TMEM71: variants seen among roughly 807,000 people sequenced by gnomAD.
The protein encoded by TMEM71 is transmembrane protein 71.
In TMEM71, 44 loss-of-function variants were observed where a neutral mutation model predicts 38.0. The observed-to-expected ratio is 1.16, with a 90% CI of 0.91 to 1.49. The LOEUF is 1.49. TMEM71 is among the 40% of genes most tolerant of loss of function. TMEM71 has a pLI of 0.00. For synonymous variants in TMEM71, 133 were observed against 122.5 expected (o/e 1.09, Z -0.56); for missense variants, 367 against 348.6 (o/e 1.05, Z -0.42).
chr8:132,752,147 T>G, intron 3 of TMEM71, 150 bp from the exon 4 acceptor site: 1 of 677,426 alleles, frequency 1.5e-6, no homozygotes, highest in Non-Finnish European at 2.5e-6. Context: ...ACTCTTAATG[T>G]TCTGGGCTTC....
At chr8:132,714,980 A>G (rs919124705) in intron 7 of TMEM71, among the ~76,000 whole-genome samples, 1 of 152,088 alleles carries the variant, frequency 6.6e-6, no homozygotes, top group Non-Finnish European at 1.5e-5. Context: ...ATCATTCCTC[A>G]TTACAGTAAT....
upstream of TMEM71, among the ~76,000 whole-genome samples, chr8:132,762,934 C>T (rs141576305): frequency 9.2e-5 from 14 of 152,316 alleles, no homozygotes; most frequent in Non-Finnish European, 1.9e-4. Context: ...ATAGAGTTTG[C>T]ATAAATCTTT....
the TMEM71 span, among the ~76,000 whole-genome samples, chr8:132,770,266 G>A: frequency 6.6e-6 from 1 of 152,216 alleles, no homozygotes; most frequent in Admixed American, 6.5e-5. Flanking sequence ...AGTTACAGTT[G>A]TGTTGAATAT....
chr8:132,720,822 C>T (rs1826801235), intron 7 of TMEM71, among the ~76,000 whole-genome samples: 1 of 152,188 alleles, frequency 6.6e-6, no homozygotes, highest in Non-Finnish European at 1.5e-5. Flanking sequence ...GTTGTATTCA[C>T]CTTTGTTTCA....
upstream of TMEM71, among the ~76,000 whole-genome samples, chr8:132,764,218 G>C (rs139788682): frequency 1.5e-3 from 230 of 152,180 alleles, 3 homozygotes; most frequent in East Asian, 0.015. Context: ...CATCAAATCA[G>C]TATGCATAAG....
At chr8:132,738,810 C>A (rs1427960073) in intron 5 of TMEM71, among the ~76,000 whole-genome samples, 1 of 152,002 alleles carries the variant, frequency 6.6e-6, no homozygotes, top group Non-Finnish European at 1.5e-5. Flanking sequence ...ACTGTTTCTT[C>A]ATTTAACAAG....
the TMEM71 span, chr8:132,775,212 G>C: frequency 0.88 from 280,077 of 317,728 alleles, 124,452 homozygotes; most frequent in East Asian, 1. Flanking sequence ...CTTTCCTCCA[G>C]TAACCAGAGC....
At chr8:132,748,865 T>C (rs558849745) in intron 4 of TMEM71, among the ~76,000 whole-genome samples, 1 of 152,316 alleles carries the variant, frequency 6.6e-6, no homozygotes, top group South Asian at 2.1e-4. Flanking sequence ...TGAGCTGGAA[T>C]CCTATTTCCA....
At chr8:132,761,390 TAAAAG>T (rs1173876420), upstream of TMEM71, among the ~76,000 whole-genome samples, 1 of 152,168 alleles carries the variant, frequency 6.6e-6, no homozygotes, top group African/African-American at 2.4e-5. Context: ...TTAAATGAAA[TAAAAG>T]AAATGAGAAA....
At chr8:132,743,901 T>C (rs1425079002) in intron 5 of TMEM71, among the ~76,000 whole-genome samples, 1 of 152,208 alleles carries the variant, frequency 6.6e-6, no homozygotes, top group African/African-American at 2.4e-5. Context: ...AGAATGTTCT[T>C]ACCTTTCCCC....
In TMEM71 at chr8:132,737,756, CT is replaced by C. The variant is rs964258135; in HGVS notation, c.487+9185del. Among the ~76,000 whole-genome samples, 11 of 152,352 alleles carry C rather than the reference CT, an allele frequency of 7.2e-5. No homozygotes were observed. The East Asian group carries it at 1.2e-3, about 16-fold the overall frequency. On this transcript the variant is annotated intron_variant, in intron 5 of 9. Transcript: ENST00000677595. ...TTAGGGATCATTATTACTGGGGCTT[CT>C]GTTCAACCTCCTGAATTCCTTTCTT...
downstream of TMEM71, among the ~76,000 whole-genome samples, chr8:132,706,835 TA>T (rs1409969944): frequency 6.6e-6 from 1 of 152,166 alleles, no homozygotes; most frequent in African/African-American, 2.4e-5. Context: ...AATCTCTAAT[TA>T]ATTAGATATC....
At chr8:132,711,595 C>T (rs1826240866) in intron 9 of TMEM71, among the ~76,000 whole-genome samples, 1 of 152,154 alleles carries the variant, frequency 6.6e-6, no homozygotes, top group Non-Finnish European at 1.5e-5. Flanking sequence ...AAAACGTGTA[C>T]CGCTGATGCT....
chr8:132,720,545 G>A (rs1314062686), intron 7 of TMEM71, among the ~76,000 whole-genome samples: 1 of 152,094 alleles, frequency 6.6e-6, no homozygotes, highest in Admixed American at 6.5e-5. Flanking sequence ...CACCCCCTCC[G>A]ACACACACAC....
chr8:132,754,296 A>G (rs1828884431), intron 3 of TMEM71, among the ~76,000 whole-genome samples: 1 of 152,112 alleles, frequency 6.6e-6, no homozygotes, highest in Admixed American at 6.5e-5. Context: ...ACCACCCTGA[A>G]CGTGCCTGAT....
At chr8:132,757,173 G>A (rs1223173117) in intron 3 of TMEM71, 61 bp downstream of exon 3, 5 of 1,279,024 alleles carry the variant, frequency 3.9e-6, no homozygotes, top group Admixed American at 1.8e-5. Flanking sequence ...TGGGATTACA[G>A]GCATGAGCCA....
intron 5 of TMEM71, among the ~76,000 whole-genome samples, chr8:132,738,858 G>GCACA (rs10531257): frequency 0.016 from 2,383 of 150,608 alleles, 61 homozygotes; most frequent in African/African-American, 0.054. Context: ...AGTATTACAT[G>GCACA]CACACACACA....
chr8:132,768,692 A>G, the TMEM71 span, among the ~76,000 whole-genome samples: 2 of 152,230 alleles, frequency 1.3e-5, no homozygotes, highest in African/African-American at 4.8e-5. Flanking sequence ...ACTTGACCAC[A>G]AGGGTGTGTT....
At chr8:132,727,671 T>C (rs1328796936) in intron 6 of TMEM71, 127 bp downstream of exon 6, 5 of 762,134 alleles carry the variant, frequency 6.6e-6, no homozygotes, top group Non-Finnish European at 1.0e-5. Flanking sequence ...AGAGGCCCCA[T>C]GTCCTCCCTT....
Sources: allele counts gnomAD v4.1 joint callset (sites outside exome capture counted in the v4.1 genomes callset), GRCh38; gene constraint gnomAD v4.1.1; transcripts MANE v1.5; gene names NCBI Gene and HGNC (gene_info 2026-07-23, HGNC 2026-07-21).